The following HYDIN variants were observed in gnomAD, a reference collection of about 807,000 sequenced individuals.
The protein encoded by HYDIN is axonemal central pair apparatus protein HYDIN.
Under a neutral mutation model 403.9 loss-of-function variants are expected in HYDIN, and 132 were observed. The ratio of observed to expected loss-of-function variants is 0.33; its 90% CI spans 0.28 to 0.38. The LOEUF (loss-of-function observed/expected upper bound fraction) is 0.38. Among genes scored for constraint, HYDIN ranks in the 10% least tolerant of loss-of-function variants. The pLI, the probability that HYDIN is intolerant of heterozygous loss-of-function variation, is 1.00. For missense variants in HYDIN, 2,827 were observed against 5,009.5 expected (o/e 0.56, Z 13.15); for synonymous variants, 1,202 against 1,891.7 (o/e 0.64, Z 9.46).
intron 67 of HYDIN, among the ~76,000 whole-genome samples, chr16:70,864,749 A>G (rs1317711296): frequency 6.6e-6 from 1 of 152,084 alleles, no homozygotes; most frequent in African/African-American, 2.4e-5. Flanking sequence ...TTTTATAAAA[A>G]GAGTTCTCAG....
chr16:70,914,982 GAA>G (rs1030811174), intron 47 of HYDIN, among the ~76,000 whole-genome samples: 5 of 149,330 alleles, frequency 3.3e-5, no homozygotes, highest in African/African-American at 1.2e-4. Context: ...AATATTTCCT[GAA>G]GTTTTGATTG....
intron 62 of HYDIN, 148 bp downstream of exon 62, chr16:70,879,149 C>T (rs2040624087): frequency 5.4e-6 from 3 of 550,936 alleles, no homozygotes; most frequent in South Asian, 2.7e-5. Flanking sequence ...TGCCAGATTC[C>T]CCTCTGCATG....
chr16:71,048,606 G>A (rs1245756179), intron 18 of HYDIN, among the ~76,000 whole-genome samples: 2 of 149,074 alleles, frequency 1.3e-5, no homozygotes, highest in South Asian at 2.1e-4. Context: ...TCACTATTAA[G>A]GCAAAGATAA....
intron 13 of HYDIN, among the ~76,000 whole-genome samples, chr16:71,074,217 T>A (rs374823784): frequency 7.9e-5 from 12 of 151,736 alleles, no homozygotes; most frequent in African/African-American, 2.4e-4. Context: ...CATTCTGAAA[T>A]AACTAAAATA....
chr16:71,207,244 T>G (rs1162037399), intron 1 of HYDIN, among the ~76,000 whole-genome samples: 10 of 152,204 alleles, frequency 6.6e-5, no homozygotes, highest in Admixed American at 6.5e-4. Context: ...AGAAACCCTA[T>G]AAGCCAGAAG....
chr16:71,008,499 C>A (rs532537358), intron 23 of HYDIN, among the ~76,000 whole-genome samples: 493 of 152,232 alleles, frequency 3.2e-3, no homozygotes, highest in African/African-American at 0.011. Flanking sequence ...TTCATTGCTC[C>A]CAATAGCTCC....
intron 46 of HYDIN, among the ~76,000 whole-genome samples, chr16:70,919,457 G>T (rs1415631380): frequency 2.0e-5 from 3 of 151,932 alleles, no homozygotes; most frequent in African/African-American, 7.3e-5. Flanking sequence ...GACCACTGTG[G>T]CAAGGCTTCT....
chr16:71,066,160 G>A (rs1168498817), intron 15 of HYDIN, among the ~76,000 whole-genome samples: 1 of 151,998 alleles, frequency 6.6e-6, no homozygotes, highest in Non-Finnish European at 1.5e-5. Flanking sequence ...TGTAGGGAAA[G>A]GGGCTAGAAA....
chr16:71,118,869 G>GGGC (rs2084150977), intron 9 of HYDIN, among the ~76,000 whole-genome samples: 2 of 151,698 alleles, frequency 1.3e-5, no homozygotes, highest in African/African-American at 4.8e-5. Context: ...CTGAAATCCT[G>GGGC]GGCTTCTTAC....
intron 1 of HYDIN, among the ~76,000 whole-genome samples, chr16:71,206,317 G>T (rs771917228): frequency 6.6e-6 from 1 of 152,188 alleles, no homozygotes; most frequent in African/African-American, 2.4e-5. Context: ...ACAGTAATAG[G>T]AGGAGGCTCC....
chr16:70,902,794 A>AATATATATATATATATATAT (rs1264288990), intron 52 of HYDIN, among the ~76,000 whole-genome samples: 2 of 61,142 alleles, frequency 3.3e-5, no homozygotes, highest in African/African-American at 1.0e-4. Context: ...CTACTCTTTA[A>AATATATATATATATATATAT]ATATATATAT....
chr16:70,868,670 A>G lies in HYDIN; in HGVS notation c.11210T>C (p.Leu3737Pro). Residue 3737 changes from leucine to proline, a missense_variant, in exon 66 of 86, where the codon CTC becomes CCC. Coordinates refer to ENST00000393567, the MANE Select transcript of HYDIN (RefSeq NM_001270974.2). ...CCAGTCGGGGACCTGGTCTGCAGGG[A>G]GCTGAAACATAATCCTGGAGAGCTT... ...RCKLSRIMFQLPADQVPDWDD... is the reference protein window; with the variant it reads ...RCKLSRIMFQPPADQVPDWDD... 1.9e-6 allele frequency: 3 copies of G among 1,614,138 alleles called. No homozygotes were observed. The highest frequency in any genetic ancestry group is 2.5e-6 in the Non-Finnish European group (3 of 1,180,016).
intron 1 of HYDIN, among the ~76,000 whole-genome samples, chr16:71,224,006 C>T (rs761612711): frequency 2.6e-5 from 4 of 152,164 alleles, no homozygotes; most frequent in Non-Finnish European, 4.4e-5. Flanking sequence ...ATGTTTACAG[C>T]AACACAATTT....
intron 18 of HYDIN, among the ~76,000 whole-genome samples, chr16:71,032,306 T>TG (rs1396066029): frequency 1.6e-5 from 2 of 122,274 alleles, no homozygotes; most frequent in East Asian, 4.2e-4. Flanking sequence ...TTTTCCTTTT[T>TG]GTTTTTTTTT....
chr16:71,021,672 A>G (rs932331546), intron 21 of HYDIN, among the ~76,000 whole-genome samples: 1 of 151,948 alleles, frequency 6.6e-6, no homozygotes, highest in Non-Finnish European at 1.5e-5. Flanking sequence ...GGTGACCAGG[A>G]GCCTCAATCT....
rs181230328 is a variant in HYDIN at position 70,940,409 on chromosome 16, G to T, written c.6853+1227C>A. Among the ~76,000 whole-genome samples the T allele has an allele frequency of 4.6e-3, 700 of 151,916 alleles. 2 individuals are homozygous for T. Among genetic ancestry groups the T allele is most frequent in the Non-Finnish European group, 6.9e-3 (469 of 67,988 alleles). ...CGGCCGTTGTAGAGATTAAATAAGC[G>T]ATCATGTAAAGTGCTTTCCCCAGTG... On this transcript the variant is annotated intron_variant, in intron 43 of 85. Transcript: ENST00000393567.
intron 28 of HYDIN, chr16:70,984,913 C>T: frequency 6.2e-6 from 2 of 325,174 alleles, no homozygotes; most frequent in South Asian, 4.8e-5. Context: ...ATAAATTAGT[C>T]TCATTATCAT....
intron 47 of HYDIN, among the ~76,000 whole-genome samples, chr16:70,916,600 C>T (rs1324758788): frequency 6.6e-6 from 1 of 152,152 alleles, no homozygotes; most frequent in Non-Finnish European, 1.5e-5. Flanking sequence ...AGCTAAAATT[C>T]ACAATGCGAG....
intron 45 of HYDIN, chr16:70,933,427 A>G (rs2077408927): frequency 7.1e-6 from 1 of 141,294 alleles, no homozygotes; most frequent in Non-Finnish European, 1.6e-5. Context: ...CCGAGGGACA[A>G]TCTGAAGAAG....
Sources: gnomAD v4.1 joint callset for allele counts (sites outside exome capture counted in the v4.1 genomes callset) on GRCh38, gnomAD v4.1.1 for gene constraint, MANE v1.5 for transcripts, NCBI Gene and HGNC (gene_info 2026-07-23, HGNC 2026-07-21) for gene names.